The following SYTL2 variants were observed in gnomAD, a reference collection of about 807,000 sequenced individuals.
The protein encoded by SYTL2 is synaptotagmin like 2.
A neutral mutation model predicts 198.7 loss-of-function variants in SYTL2; 165 were observed. The observed-to-expected ratio is 0.83, with a 90% CI of 0.73 to 0.94. The LOEUF is 0.94. Ranked by LOEUF, SYTL2 falls within the 40% of genes least tolerant of loss-of-function variation. SYTL2 has a pLI of 0.00. For missense variants in SYTL2, 2,835 were observed against 2,582.8 expected (o/e 1.10, Z -2.12); for synonymous variants, 966 against 917.7 (o/e 1.05, Z -0.95).
chr11:85,701,666 G>A (rs1174215560), intron 16 of SYTL2, among the ~76,000 whole-genome samples: 1 of 152,204 alleles, frequency 6.6e-6, no homozygotes, highest in Non-Finnish European at 1.5e-5. Flanking sequence ...TAACATTTGA[G>A]AACCATTTCT....
chr11:85,789,348 A>ATATATATATATATATATATATATG (rs2092690156), intron 1 of SYTL2, among the ~76,000 whole-genome samples: 2 of 57,850 alleles, frequency 3.5e-5, no homozygotes, highest in African/African-American at 8.3e-5. Context: ...GTGTATATAT[A>ATATATATATATATATATATATATG]TATATATATA....
At chr11:85,787,070 TA>T (rs1290846614) in intron 1 of SYTL2, among the ~76,000 whole-genome samples, 1 of 152,202 alleles carries the variant, frequency 6.6e-6, no homozygotes, top group Non-Finnish European at 1.5e-5. Context: ...AGGTCAGCAA[TA>T]GGTGTGCCCA....
At chr11:85,775,603 G>A (rs1383053919) in intron 1 of SYTL2, among the ~76,000 whole-genome samples, 2 of 152,060 alleles carry the variant, frequency 1.3e-5, no homozygotes, top group Non-Finnish European at 2.9e-5. Context: ...CTGCCCCAGC[G>A]TCCAGAGCAG....
At chr11:85,750,243 G>A (rs922284683) in intron 2 of SYTL2, among the ~76,000 whole-genome samples, 2 of 152,100 alleles carry the variant, frequency 1.3e-5, no homozygotes, top group African/African-American at 4.8e-5. Flanking sequence ...TAAGGATCAG[G>A]GAAAATAAGA....
At chr11:85,736,447 T>C in intron 6 of SYTL2, 54 bp downstream of exon 6, 1 of 897,834 alleles carries the variant, frequency 1.1e-6, no homozygotes. Flanking sequence ...AGAATTTCCC[T>C]TAGTCCACAG....
intron 1 of SYTL2, among the ~76,000 whole-genome samples, chr11:85,800,156 TAA>T: frequency 6.6e-6 from 1 of 152,210 alleles, no homozygotes; most frequent in South Asian, 2.1e-4. Context: ...GGTCTCAAAG[TAA>T]AGAGACCAAA....
upstream of SYTL2, among the ~76,000 whole-genome samples, chr11:85,811,628 A>G (rs2093035405): frequency 6.6e-6 from 1 of 152,030 alleles, no homozygotes; most frequent in Non-Finnish European, 1.5e-5. Context: ...GAAATAGAAG[A>G]AGGGGGGAAA....
At chr11:85,729,552 G>C (rs1253324198) in intron 7 of SYTL2, among the ~76,000 whole-genome samples, 3 of 152,140 alleles carry the variant, frequency 2.0e-5, no homozygotes, top group Non-Finnish European at 4.4e-5. Flanking sequence ...TGAGAATAAA[G>C]ACACAGCATT....
chr11:85,831,212 C>G, the SYTL2 span, among the ~76,000 whole-genome samples: 2 of 152,182 alleles, frequency 1.3e-5, no homozygotes, highest in African/African-American at 4.8e-5. Context: ...GGCTCAAGTT[C>G]ACCAGTATCA....
intron 1 of SYTL2, among the ~76,000 whole-genome samples, chr11:85,759,056 C>T (rs1337741821): frequency 2.6e-5 from 4 of 151,950 alleles, no homozygotes; most frequent in Non-Finnish European, 4.4e-5. Context: ...ACCAGCCTGA[C>T]CAACATGGTG....
chr11:85,765,946 TCACACATGAC>T (rs1327664264), intron 1 of SYTL2, among the ~76,000 whole-genome samples: 1 of 152,076 alleles, frequency 6.6e-6, no homozygotes, highest in African/African-American at 2.4e-5. Context: ...GGAGACAGCA[TCACACATGAC>T]CAACCATAAT....
chr11:85,711,039 C>T, intron 13 of SYTL2, 74 bp downstream of exon 13: 8 of 1,500,824 alleles, frequency 5.3e-6, no homozygotes, highest in Non-Finnish European at 7.2e-6. Flanking sequence ...GGCTGTTTTA[C>T]AATGAGCATG....
intron 1 of SYTL2, among the ~76,000 whole-genome samples, chr11:85,788,766 C>T (rs2153617154): frequency 6.7e-6 from 1 of 149,194 alleles, no homozygotes; most frequent in South Asian, 2.1e-4. Context: ...TAAAATTATT[C>T]TATAATTATA....
chr11:85,720,793 G>T, intron 9 of SYTL2, 65 bp downstream of exon 9: 1 of 1,124,394 alleles, frequency 8.9e-7, no homozygotes, highest in Non-Finnish European at 1.4e-6. Context: ...TGAGGCTACA[G>T]GAGAGCACAT....
the SYTL2 span, among the ~76,000 whole-genome samples, chr11:85,842,149 G>A: frequency 6.6e-6 from 1 of 152,316 alleles, no homozygotes; most frequent in African/African-American, 2.4e-5. Context: ...CATTTCAAGG[G>A]TAAGGAGAGC....
At chr11:85,775,407 G>C (rs290188) in intron 1 of SYTL2, among the ~76,000 whole-genome samples, 1,825 of 152,262 alleles carry the variant, frequency 0.012, 105 homozygotes, top group Admixed American at 0.1. Flanking sequence ...CTGTACTGTA[G>C]CACACGTACT....
intron 9 of SYTL2, 116 bp from the exon 10 acceptor site, chr11:85,718,959 G>T: frequency 3.2e-6 from 5 of 1,543,698 alleles, no homozygotes; most frequent in Non-Finnish European, 4.4e-6. Context: ...ATGCAATGAG[G>T]GGTGCAACCA....
chr11:85,738,863 C>T (rs2090566817), intron 4 of SYTL2, among the ~76,000 whole-genome samples: 1 of 152,120 alleles, frequency 6.6e-6, no homozygotes, highest in African/African-American at 2.4e-5. Context: ...CTCCTTTCCC[C>T]TTCCCACTCA....
intron 8 of SYTL2, among the ~76,000 whole-genome samples, chr11:85,723,069 A>G (rs972152253): frequency 6.6e-6 from 1 of 152,244 alleles, no homozygotes; most frequent in Non-Finnish European, 1.5e-5. Flanking sequence ...GCCAAAAAAC[A>G]TTCTCTATCA....
Sources: allele counts gnomAD v4.1 joint callset (sites outside exome capture counted in the v4.1 genomes callset), GRCh38; gene constraint gnomAD v4.1.1; transcripts MANE v1.5; gene names NCBI Gene and HGNC (gene_info 2026-07-23, HGNC 2026-07-21).